NDOR1: variants seen among roughly 807,000 people sequenced by gnomAD.
NDOR1 encodes the protein NADPH-dependent diflavin oxidoreductase 1.
Under a neutral mutation model 67.2 loss-of-function variants are expected in NDOR1, and 61 were observed. The observed-to-expected ratio is 0.91, with a 90% CI of 0.74 to 1.12. NDOR1 has a LOEUF of 1.12. Among genes scored for constraint, NDOR1 ranks in the 50% most tolerant of loss-of-function variants. The pLI, the probability that NDOR1 is intolerant of heterozygous loss-of-function variation, is 0.00. For missense variants in NDOR1, 878 were observed against 802.8 expected, an observed-to-expected ratio of 1.09 and a Z score of -1.13; for synonymous variants, 378 against 343.7, an observed-to-expected ratio of 1.10 and a Z score of -1.10.
At chr9:137,206,127 C>T (rs868121783) in intron 1 of NDOR1, 105 bp from the exon 2 acceptor site, 4 of 1,492,162 alleles carry the variant, frequency 2.7e-6, no homozygotes, top group Middle Eastern at 1.7e-4. Flanking sequence ...TCACATAAAT[C>T]CCTCTGCCCT....
intron 11 of NDOR1, 23 bp downstream of exon 11, chr9:137,215,828 C>A: frequency 6.2e-7 from 1 of 1,604,204 alleles, no homozygotes; most frequent in South Asian, 1.1e-5. Context: ...GGTCTCCGGG[C>A]AGGGTTGTTG....
Position 137,212,372 on chromosome 9 carries a change from A to G in NDOR1, c.214-130A>G. 1 of 756,202 alleles carries G rather than the reference A, an allele frequency of 1.3e-6. No individual in the cohort carries two copies. Among genetic ancestry groups the G allele is most frequent in the South Asian group, 1.6e-5 (1 of 62,214 alleles). The allele number at this position is 756,202 out of a possible 1,614,324, so 46.8% of individuals were successfully genotyped here. On this transcript the variant is annotated intron_variant, in intron 2 of 13. Coordinates refer to ENST00000684003, the MANE Select transcript of NDOR1 (RefSeq NM_014434.4). The surrounding 1 kb of genome is among the most constrained non-coding windows in gnomAD (Gnocchi z 4.3). Reference sequence around the variant, plus strand: ...TGGACCTGGGCCCTGCCTTTTGGTCAGATAGGTCCAGTTGTATTCTGCCCC... The same window carrying G: ...TGGACCTGGGCCCTGCCTTTTGGTCGGATAGGTCCAGTTGTATTCTGCCCC...
rs1835736285 is a variant in NDOR1 at position 137,218,439 on chromosome 9, G to A, written c.*2023G>A. 2.5e-6 allele frequency: 1 copy of A among 398,512 alleles called. No homozygotes were observed. The highest frequency in any genetic ancestry group is 4.4e-6 in the Non-Finnish European group (1 of 226,040). The allele number at this position is 398,512 out of a possible 1,614,324, so 24.7% of individuals were successfully genotyped here. ...CTGCCCTTCCTGCCCTGTCCACCCT[G>A]CCTGGGTGCCCGGCTCTGGACCCTG... is the stretch of plus-strand genomic sequence containing the variant. On this transcript the variant is annotated 3_prime_UTR_variant, in exon 14 of 14. Transcript: ENST00000684003.
intron 10 of NDOR1, 31 bp from the exon 11 acceptor site, chr9:137,215,628 T>A (rs745992546): frequency 1.3e-6 from 2 of 1,586,424 alleles, no homozygotes; most frequent in African/African-American, 2.7e-5. Flanking sequence ...AGGTCTTTGA[T>A]CCTCTTCATG....
chr9:137,214,532 G>A (rs754149051), intron 6 of NDOR1, 38 bp from the exon 7 acceptor site: 7 of 1,609,982 alleles, frequency 4.3e-6, no homozygotes, highest in Non-Finnish European at 5.9e-6. Flanking sequence ...CATCCTCCCT[G>A]CGGCGTCCCC....
rs920371897 is a variant in NDOR1, at chr9:137,217,609, G to A, written c.*1193G>A. On this transcript the variant is annotated 3_prime_UTR_variant, in exon 14 of 14. Coordinates refer to ENST00000684003, the MANE Select transcript of NDOR1 (RefSeq NM_014434.4). The stretch of plus-strand genomic sequence containing the variant: ...TCTGGCTGGGGACAGCACCGCGTGG[G>A]CCCAGGATCCACCCAGAGCAGGCAG... The A allele has an allele frequency of 5.2e-6, 1 of 190,496 alleles. No homozygotes were observed. Among genetic ancestry groups the A allele is most frequent in the Non-Finnish European group, 1.1e-5 (1 of 93,968 alleles). The allele number at this position is 190,496 out of a possible 1,614,324, so 11.8% of individuals were successfully genotyped here.
Position 137,218,160 on chromosome 9 carries a change from T to G in NDOR1, c.*1744T>G. ...AGCCACGGCCTGTGTGTGGGCTGCC[T>G]GCACAGGCTGCTGGGCTCGGCCTCC... is the stretch of plus-strand genomic sequence containing the variant. On this transcript the variant is annotated 3_prime_UTR_variant, in exon 14 of 14. Coordinates refer to ENST00000684003, the MANE Select transcript of NDOR1 (RefSeq NM_014434.4). The G allele has an allele frequency of 2.5e-6, 1 of 398,656 alleles. No individual in the cohort carries two copies. 24.7% of individuals were successfully genotyped at this position (398,656 alleles called of 1,614,324 possible).
rs1057101190 is a variant in NDOR1, at chr9:137,213,811, C to A, written c.343C>A (p.Arg115=). 1.1e-5 allele frequency: 18 copies of A among 1,612,626 alleles called. No homozygotes were observed. The highest frequency in any genetic ancestry group is 1.5e-5 in the Non-Finnish European group (18 of 1,179,648). ...FNFVAKKLHR[R]LLQLGGSALL... ...CTTCGTGGCCAAGAAGCTGCACCGACGGCTACTGCAGCTTGGGGGCAGCGC... is the reference window on the plus strand; with the variant it reads ...CTTCGTGGCCAAGAAGCTGCACCGAAGGCTACTGCAGCTTGGGGGCAGCGC... The change falls in exon 4 of 14, where the codon CGG becomes AGG. Residue 115 remains arginine, a synonymous_variant. Transcript: ENST00000684003.
Position 137,219,300 on chromosome 9 carries a change from G to C in NDOR1, c.*2884G>C, listed in dbSNP as rs1588827592. 1 of 152,330 alleles carries C rather than the reference G, an allele frequency of 6.6e-6. No individual in the cohort carries two copies. The highest frequency in any genetic ancestry group is 2.4e-5 in the African/African-American group (1 of 41,558). The allele number at this position is 152,330 out of a possible 1,614,324, so 9.4% of individuals were successfully genotyped here. On this transcript the variant is annotated 3_prime_UTR_variant, in exon 14 of 14. Coordinates refer to ENST00000684003, the MANE Select transcript of NDOR1 (RefSeq NM_014434.4). Reference sequence around the variant, plus strand: ...TGGGATGGAGACATCAGGTGGCCCAGCGAGAGATGGAGGACTGATCCTGGA... The same window carrying C: ...TGGGATGGAGACATCAGGTGGCCCACCGAGAGATGGAGGACTGATCCTGGA...
Position 137,212,412 on chromosome 9 carries a change from G to C in NDOR1, c.214-90G>C, listed in dbSNP as rs1835303414. 7.0e-6 allele frequency: 8 copies of C among 1,148,090 alleles called. No homozygotes were observed. Among genetic ancestry groups the C allele is most frequent in the Non-Finnish European group, 1.0e-5 (8 of 762,680 alleles). The allele number at this position is 1,148,090 out of a possible 1,614,324, so 71.1% of individuals were successfully genotyped here. ...TATTCTGCCCCCATCCTACCCACCT[G>C]CCTGTTCCCCTGAGACCCTCCCCTC... On this transcript the variant is annotated intron_variant, in intron 2 of 13. Transcript: ENST00000684003. The surrounding 1 kb of genome is among the most constrained non-coding windows in gnomAD (Gnocchi z 4.3).
At chr9:137,214,488 G>T in intron 6 of NDOR1, 75 bp downstream of exon 6, 1 of 1,609,920 alleles carries the variant, frequency 6.2e-7, no homozygotes, top group South Asian at 1.1e-5. Flanking sequence ...GGCTGGGCCG[G>T]GCTGCAGGGG....
chr9:137,214,135 G>T, intron 5 of NDOR1, 67 bp downstream of exon 5: 1 of 1,536,420 alleles, frequency 6.5e-7, no homozygotes, highest in Non-Finnish European at 8.8e-7. Context: ...CCTCGCCCTG[G>T]GTCCCTCCCG....
chr9:137,216,159 C>T lies in NDOR1; in HGVS notation c.1620C>T (p.Asp540=). The T allele has an allele frequency of 6.2e-7, 1 of 1,613,538 alleles. No individual in the cohort carries two copies. The highest frequency in any genetic ancestry group is 8.5e-7 in the Non-Finnish European group (1 of 1,180,020). Residue 540 remains aspartate, a synonymous_variant, in exon 13 of 14, where the codon GAC becomes GAT. Coordinates refer to ENST00000684003, the MANE Select transcript of NDOR1 (RefSeq NM_014434.4). ...GGTCGCTTGTGTGGGAACTGCTGGA[C>T]CGCCAGGGTGCATACTTCTACCTGG... The part of the protein sequence containing the change: ...ELGSLVWELL[D]RQGAYFYLAG...
Position 137,212,609 on chromosome 9 carries a change from G to A in NDOR1, c.311+10G>A, listed in dbSNP as rs1835317058. 1 of 1,608,524 alleles carries A rather than the reference G, an allele frequency of 6.2e-7. No homozygotes were observed. The highest frequency in any genetic ancestry group is 8.5e-7 in the Non-Finnish European group (1 of 1,175,088). On this transcript the variant is annotated intron_variant, in intron 3 of 13. Transcript: ENST00000684003. The surrounding 1 kb of genome is among the most constrained non-coding windows in gnomAD (Gnocchi z 4.3). ...ACTCCTCATACGCCAAGTGAGTAGG[G>A]GATGGGACAGTGGGCGGACGGAACA...
intron 2 of NDOR1, among the ~76,000 whole-genome samples, chr9:137,210,389 A>ATTT (rs753559774): frequency 1.4e-5 from 2 of 142,696 alleles, no homozygotes; most frequent in Non-Finnish European, 1.5e-5. Flanking sequence ...CATGCAACTA[A>ATTT]TTTTTTTTTT....
chr9:137,215,825 G>T lies in NDOR1; in HGVS notation c.1435+20G>T. 1 of 1,603,394 alleles carries T rather than the reference G, an allele frequency of 6.2e-7. No individual in the cohort carries two copies. The highest frequency in any genetic ancestry group is 1.1e-5 in the South Asian group (1 of 89,844). On this transcript the variant is annotated intron_variant, in intron 11 of 13. Coordinates refer to ENST00000684003, the MANE Select transcript of NDOR1 (RefSeq NM_014434.4). ...AGACTGGTGAGCACCCAGGGTCTCC[G>T]GGCAGGGTTGTTGCCAGGGCTCCCC... is the stretch of plus-strand genomic sequence containing the variant.
rs754623349 is a variant in NDOR1, at chr9:137,215,197, C to A, written c.1168C>A (p.Leu390Met). The A allele has an allele frequency of 3.7e-6, 6 of 1,611,106 alleles. No individual in the cohort carries two copies. Among genetic ancestry groups the A allele is most frequent in the Non-Finnish European group, 5.1e-6 (6 of 1,179,298 alleles). The change falls in exon 9 of 14, where the codon CTG becomes ATG. Residue 390 changes from leucine (L) to methionine (M), a missense_variant. Transcript: ENST00000684003. Reference protein sequence around the residue: ...RPRAFSIASSLLTHPSRLQIL... With the variant: ...RPRAFSIASSMLTHPSRLQIL... ...GAGGGCCTTCTCCATCGCCTCCTCG[C>A]TGCTGGTGAGGGGCCTGGTGGTTGG...
chr9:137,215,552 G>A, intron 10 of NDOR1, 31 bp downstream of exon 10: 1 of 1,611,898 alleles, frequency 6.2e-7, no homozygotes, highest in South Asian at 1.1e-5. Context: ...GGGGGCCGTG[G>A]GCCCATATCC....
At position 137,205,709 on chromosome 9, in the gene NDOR1, C is replaced by A; in HGVS notation, c.-69C>A. On this transcript the variant is annotated 5_prime_UTR_variant, in exon 1 of 14. Transcript: ENST00000684003. ...GCGGAAGGCGGAAGGCGGAGCGGTC[C>A]CTGCAACCCGGCCGGCGGGAACTGC... 9 of 1,593,654 alleles carry A rather than the reference C, an allele frequency of 5.6e-6. No individual in the cohort carries two copies. Among genetic ancestry groups the A allele is most frequent in the Non-Finnish European group, 6.8e-6 (8 of 1,176,614 alleles).
Sources: allele counts gnomAD v4.1 joint callset (sites outside exome capture counted in the v4.1 genomes callset), GRCh38; gene constraint gnomAD v4.1.1; non-coding constraint Gnocchi (gnomAD v3.1); transcripts MANE v1.5; gene names NCBI Gene and HGNC (gene_info 2026-07-23, HGNC 2026-07-21).